ABCA6: variants seen among roughly 807,000 people sequenced by gnomAD.
ABCA6 encodes ATP-binding cassette sub-family A member 6.
In ABCA6, 164 loss-of-function variants were observed where a neutral mutation model predicts 191.2. The observed-to-expected ratio is 0.86, with a 90% CI of 0.76 to 0.98. The LOEUF (loss-of-function observed/expected upper bound fraction) is 0.98, where lower values mean the gene tolerates loss of function less well. Ranked by LOEUF, ABCA6 falls within the 50% of genes least tolerant of loss-of-function variation. The pLI is 0.00. For synonymous variants in ABCA6, 636 were observed against 647.7 expected, an observed-to-expected ratio of 0.98 and a Z score of 0.27; for missense variants, 1,958 against 1,894.1, an observed-to-expected ratio of 1.03 and a Z score of -0.63.
Position 69,110,789 on chromosome 17 carries a change from T to C in ABCA6, c.2272+12A>G, listed in dbSNP as rs1358545245. The C allele has an allele frequency of 6.3e-7, 1 of 1,596,486 alleles. No homozygotes were observed. The highest frequency in any genetic ancestry group is 1.3e-5 in the African/African-American group (1 of 74,098). ...CCCATATTTCATTTCATTGTAATCA[T>C]AGTTGAGTTACCTGGAAATGTATTT... On this transcript the variant is annotated intron_variant, in intron 17 of 38. Coordinates refer to ENST00000284425, the MANE Select transcript of ABCA6 (RefSeq NM_080284.3).
In ABCA6 at chr17:69,120,544, G is replaced by A. The variant is rs190091228; in HGVS notation, c.1437-2588C>T. Among the ~76,000 whole-genome samples the A allele has an allele frequency of 4.5e-3, 681 of 152,098 alleles. 3 individuals carry two copies. Among genetic ancestry groups the A allele is most frequent in the Middle Eastern group, 0.01 (3 of 294 alleles). ...TTCATATTTGCTGCCCTAAAGATTA[G>A]TAAAGAACCCAGCAACAATATGTTT... On this transcript the variant is annotated intron_variant, in intron 10 of 38. Transcript: ENST00000284425.
intron 37 of ABCA6, among the ~76,000 whole-genome samples, chr17:69,079,612 A>G (rs1337090753): frequency 5.9e-5 from 9 of 152,188 alleles, no homozygotes; most frequent in Admixed American, 5.9e-4. Flanking sequence ...AGAGAACTCA[A>G]AACTCCCTTC....
At chr17:69,128,461 C>CA (rs2073795310) in intron 8 of ABCA6, among the ~76,000 whole-genome samples, 158 bp downstream of exon 8, 1 of 146,484 alleles carries the variant, frequency 6.8e-6, no homozygotes. Context: ...TGTGAGGTGA[C>CA]TTTTTTTTTT....
chr17:69,114,252 A>G (rs567484958), intron 13 of ABCA6, among the ~76,000 whole-genome samples: 2 of 152,196 alleles, frequency 1.3e-5, no homozygotes, highest in Non-Finnish European at 2.9e-5. Flanking sequence ...TGATGAGTTC[A>G]TGTCCTTTGT....
At chr17:69,097,535 A>T (rs1185255639) in intron 23 of ABCA6, among the ~76,000 whole-genome samples, 1 of 152,220 alleles carries the variant, frequency 6.6e-6, no homozygotes, top group African/African-American at 2.4e-5. Context: ...GCATAATCGA[A>T]TACAAATATA....
intron 31 of ABCA6, 96 bp downstream of exon 31, chr17:69,085,529 A>AG: frequency 1.3e-6 from 1 of 790,958 alleles, no homozygotes; most frequent in Non-Finnish European, 1.9e-6. Flanking sequence ...CAAAAAAAAA[A>AG]AAAAAAGAAA....
intron 6 of ABCA6, among the ~76,000 whole-genome samples, chr17:69,130,741 C>T (rs1454376672): frequency 6.6e-6 from 1 of 152,190 alleles, no homozygotes; most frequent in Non-Finnish European, 1.5e-5. Flanking sequence ...ACTTAAAAGC[C>T]TCTGATCAAT....
chr17:69,105,848 C>T (rs556327544), intron 19 of ABCA6, 180 bp downstream of exon 19: 6 of 754,504 alleles, frequency 8.0e-6, no homozygotes, highest in East Asian at 2.7e-5. Flanking sequence ...CACACCTGCA[C>T]GTATAAGCTT....
At chr17:69,107,993 A>G (rs899775328) in intron 17 of ABCA6, 181 bp from the exon 18 acceptor site, 3 of 523,754 alleles carry the variant, frequency 5.7e-6, no homozygotes, top group Non-Finnish European at 1.0e-5. Context: ...ATGACTAAGG[A>G]AGACCTCTTC....
At chr17:69,136,070 G>T (rs768772577) in intron 4 of ABCA6, 22 bp downstream of exon 4, 43 of 1,600,132 alleles carry the variant, frequency 2.7e-5, no homozygotes, top group Non-Finnish European at 3.7e-5. Context: ...ATTCCATAAT[G>T]ATATTTGATA....
At chr17:69,112,493 GT>G (rs2073443691) in intron 15 of ABCA6, 1 of 447,540 alleles carries the variant, frequency 2.2e-6, no homozygotes, top group Non-Finnish European at 4.0e-6. Flanking sequence ...ATGAAACCAT[GT>G]CTTTTGCAGC....
At chr17:69,105,704 G>A in intron 19 of ABCA6, 76 bp from the exon 20 acceptor site, 2 of 1,133,706 alleles carry the variant, frequency 1.8e-6, no homozygotes, top group Non-Finnish European at 2.5e-6. Flanking sequence ...ACAAGTATTT[G>A]TTGAGTGCCA....
At chr17:69,089,267 T>A (rs2072874085) in intron 27 of ABCA6, among the ~76,000 whole-genome samples, 198 bp downstream of exon 27, 1 of 152,212 alleles carries the variant, frequency 6.6e-6, no homozygotes, top group African/African-American at 2.4e-5. Flanking sequence ...TAATTTAATA[T>A]TAACTTTTGG....
In ABCA6 at chr17:69,133,860, G is replaced by A; in HGVS notation, c.572C>T (p.Thr191Ile). 1 of 1,580,374 alleles carries A rather than the reference G, an allele frequency of 6.3e-7. No individual in the cohort carries two copies. The highest frequency in any genetic ancestry group is 8.6e-7 in the Non-Finnish European group (1 of 1,161,540). ...CAACTCCTCCATCACAGGGTGATTG[G>A]TTGTGATCTAAAGTAGAGTTTAAAC... ...AINTAIIEIT[T>I]NHPVMEELMS... The change falls in exon 6 of 39, where the codon ACC becomes ATC. Residue 191 changes from threonine to isoleucine, a missense_variant. Coordinates refer to ENST00000284425, the MANE Select transcript of ABCA6 (RefSeq NM_080284.3).
chr17:69,091,893 G>T (rs568792447), intron 25 of ABCA6, among the ~76,000 whole-genome samples: 1 of 152,242 alleles, frequency 6.6e-6, no homozygotes, highest in South Asian at 2.1e-4. Context: ...ACCTTTTTAT[G>T]GCTAAGGTAA....
At chr17:69,099,764 C>G (rs530242913) in intron 22 of ABCA6, 1 of 153,824 alleles carries the variant, frequency 6.5e-6, no homozygotes, top group Non-Finnish European at 1.5e-5. Flanking sequence ...GTCGGTCATA[C>G]TCAACTCACG....
chr17:69,137,110 G>T (rs1473595583), intron 3 of ABCA6, among the ~76,000 whole-genome samples, 186 bp downstream of exon 3: 1 of 152,106 alleles, frequency 6.6e-6, no homozygotes, highest in Non-Finnish European at 1.5e-5. Flanking sequence ...CTCCCAACAA[G>T]CTGAAAATAT....
At position 69,085,019 on chromosome 17, in the gene ABCA6, C is replaced by G; in HGVS notation, c.4184+9G>C. ...TCTGACACAAAGGAATCGCAGGTCC[C>G]GTCTGTACCTTGCGATGGCGAGCCT... On this transcript the variant is annotated intron_variant, in intron 32 of 38. Coordinates refer to ENST00000284425, the MANE Select transcript of ABCA6 (RefSeq NM_080284.3). 1 of 1,606,170 alleles carries G rather than the reference C, an allele frequency of 6.2e-7. No homozygotes were observed. The highest frequency in any genetic ancestry group is 8.5e-7 in the Non-Finnish European group (1 of 1,177,812).
chr17:69,096,472 GA>G, intron 24 of ABCA6, 119 bp from the exon 25 acceptor site: 2 of 807,052 alleles, frequency 2.5e-6, no homozygotes, highest in Non-Finnish European at 3.6e-6. Context: ...TTTGGTATCT[GA>G]AACTATTAGT....
Sources: gnomAD v4.1 joint callset for allele counts (sites outside exome capture counted in the v4.1 genomes callset) on GRCh38, gnomAD v4.1.1 for gene constraint, MANE v1.5 for transcripts, NCBI Gene and HGNC (gene_info 2026-07-23, HGNC 2026-07-21) for gene names.